The following CMAS variants were observed in gnomAD, a reference collection of about 807,000 sequenced individuals.
The protein encoded by CMAS is cytidine monophosphate N-acetylneuraminic acid synthetase, also known as N-acylneuraminate cytidylyltransferase.
CMAS carries 21 observed loss-of-function variants against 53.4 expected under a neutral mutation model. The ratio of observed to expected loss-of-function variants is 0.39; its 90% CI spans 0.28 to 0.57. CMAS has a LOEUF of 0.57. Among genes scored for constraint, CMAS ranks in the 20% least tolerant of loss-of-function variants. The pLI is 0.56. For missense variants in CMAS, 384 were observed against 534.9 expected (o/e 0.72, Z 2.78); for synonymous variants, 189 against 195.2 (o/e 0.97, Z 0.27).
At chr12:22,047,761 T>C (rs938102659) in intron 1 of CMAS, among the ~76,000 whole-genome samples, 1 of 152,200 alleles carries the variant, frequency 6.6e-6, no homozygotes, top group Admixed American at 6.5e-5. Flanking sequence ...CTGCTATACA[T>C]GTCCAAGGGA....
intron 1 of CMAS, among the ~76,000 whole-genome samples, chr12:22,048,417 C>T (rs868056910): frequency 9.2e-5 from 14 of 152,106 alleles, no homozygotes; most frequent in Admixed American, 3.9e-4. Context: ...TTGCTCCAAA[C>T]CTCTGCTCCA....
chr12:22,053,524 T>C (rs951974208), intron 1 of CMAS, among the ~76,000 whole-genome samples: 27 of 150,790 alleles, frequency 1.8e-4, no homozygotes, highest in African/African-American at 6.6e-4. Flanking sequence ...TATATATATA[T>C]ATACACACAC....
rs369307600 is a variant in CMAS, at chr12:22,064,229, C to A, written c.1115-892C>A. ...TCTAAAGTATAGTAATAGTTTTACT[C>A]AGAATGGTGAATTAAAGATACTGGG... is the stretch of plus-strand genomic sequence containing the variant. On this transcript the variant is annotated intron_variant, in intron 7 of 7. Coordinates refer to ENST00000229329, the MANE Select transcript of CMAS (RefSeq NM_018686.6). Among the ~76,000 whole-genome samples, 6 of 151,998 alleles carry A rather than the reference C, an allele frequency of 3.9e-5. No homozygotes were observed. The East Asian group carries it at 5.8e-4, about 15-fold the overall frequency.
Position 22,055,141 on chromosome 12 carries a change from C to G in CMAS, c.261-8C>G, listed in dbSNP as rs1234240954. 2 of 1,581,982 alleles carry G rather than the reference C, an allele frequency of 1.3e-6. No homozygotes were observed. The highest frequency in any genetic ancestry group is 1.7e-6 in the Non-Finnish European group (2 of 1,167,922). On this transcript the variant is annotated splice_region_variant and splice_polypyrimidine_tract_variant and intron_variant, in intron 1 of 7. Transcript: ENST00000229329. ...TTTGGCTGTTAATTTCTTTTGATAT[C>G]TGAACAGTGTATGGGTTTCGACAGA...
Position 22,065,346 on chromosome 12 carries a change from C to T in CMAS, c.*35C>T, listed in dbSNP as rs1565533468. The T allele has an allele frequency of 6.6e-7, 1 of 1,503,816 alleles. No individual in the cohort carries two copies. The highest frequency in any genetic ancestry group is 9.2e-7 in the Non-Finnish European group (1 of 1,090,172). 93.2% of individuals were successfully genotyped at this position (1,503,816 alleles called of 1,614,324 possible). A position where few individuals can be genotyped will look rare whatever the true frequency, so the allele number is the denominator to read the frequency against. ...TAATATTGAGAAAAAAATGATACAG[C>T]CTTCTTCAGCCAGTTTGCTTTTATT... On this transcript the variant is annotated 3_prime_UTR_variant, in exon 8 of 8. Transcript: ENST00000229329.
At chr12:22,046,624 T>A in intron 1 of CMAS, 61 bp downstream of exon 1, 1 of 1,440,302 alleles carries the variant, frequency 6.9e-7, no homozygotes, top group Non-Finnish European at 9.1e-7. Context: ...GGAGTCGGGC[T>A]GCTGGAGGGG....
At chr12:22,058,442 A>G (rs1260723900) in intron 3 of CMAS, 125 bp from the exon 4 acceptor site, 9 of 831,222 alleles carry the variant, frequency 1.1e-5, no homozygotes, top group Non-Finnish European at 1.7e-5. Context: ...AAAAAAGAAA[A>G]GTTCTTTATC....
intron 3 of CMAS, among the ~76,000 whole-genome samples, chr12:22,056,291 C>T (rs895597658): frequency 1.3e-4 from 20 of 152,164 alleles, no homozygotes; most frequent in Non-Finnish European, 1.8e-4. Context: ...TAGTCACTTA[C>T]AGTTCTGTAA....
intron 1 of CMAS, among the ~76,000 whole-genome samples, chr12:22,049,685 G>T (rs1308877558): frequency 6.6e-6 from 1 of 152,196 alleles, no homozygotes; most frequent in Non-Finnish European, 1.5e-5. Context: ...GCCGAAGGCA[G>T]GCGGAGGCCA....
intron 5 of CMAS, 60 bp downstream of exon 5, chr12:22,060,986 T>C: frequency 2.0e-6 from 2 of 1,024,284 alleles, no homozygotes; most frequent in Non-Finnish European, 3.1e-6. Flanking sequence ...TATTTCTAGA[T>C]ACTGATTTCT....
In CMAS at chr12:22,065,221, C is replaced by T. The variant is rs558349772; in HGVS notation, c.1215C>T (p.Cys405=). ...CCCAGAAGGCTGTTGGATACATTTG[C>T]AAATGTAATGGTGGCCGTGGTGCCA... is the stretch of plus-strand genomic sequence containing the variant. ...STAQKAVGYI[C]KCNGGRGAIR... is the part of the protein sequence containing the mutation. Residue 405 remains cysteine, a synonymous_variant, in exon 8 of 8, where the codon TGC becomes TGT. Coordinates refer to ENST00000229329, the MANE Select transcript of CMAS (RefSeq NM_018686.6). The T allele has an allele frequency of 6.2e-7, 1 of 1,614,080 alleles. No homozygotes were observed. Among genetic ancestry groups the T allele is most frequent in the South Asian group, 1.1e-5 (1 of 91,060 alleles).
chr12:22,053,387 A>ACAT (rs1950247850), intron 1 of CMAS, among the ~76,000 whole-genome samples: 5 of 150,306 alleles, frequency 3.3e-5, no homozygotes, highest in African/African-American at 1.2e-4. Flanking sequence ...ATATGTATAC[A>ACAT]TATACACACA....
chr12:22,052,364 G>A (rs1950242891), intron 1 of CMAS, among the ~76,000 whole-genome samples: 1 of 148,910 alleles, frequency 6.7e-6, no homozygotes, highest in Non-Finnish European at 1.5e-5. Context: ...ATAAATTAAG[G>A]ATGAATGAAC....
Position 22,046,528 on chromosome 12 carries a change from C to T in CMAS, c.225C>T (p.Val75=). ...HLAGVPLIGW[V]LRAALDSGAF... is the part of the protein sequence containing the mutation. ...CGGGGGTCCCGCTCATTGGCTGGGT[C>T]CTGCGTGCGGCCCTGGATTCAGGGG... The change falls in exon 1 of 8, where the codon GTC becomes GTT. Residue 75 remains valine, a synonymous_variant. Coordinates refer to ENST00000229329, the MANE Select transcript of CMAS (RefSeq NM_018686.6). 1.2e-6 allele frequency: 2 copies of T among 1,601,804 alleles called. No homozygotes were observed. The highest frequency in any genetic ancestry group is 1.7e-6 in the Non-Finnish European group (2 of 1,175,346).
chr12:22,062,486 T>A, intron 7 of CMAS, 52 bp downstream of exon 7: 1 of 1,552,794 alleles, frequency 6.4e-7, no homozygotes, highest in Non-Finnish European at 8.8e-7. Flanking sequence ...ATTAATTATT[T>A]ACTTATTTTT....
At chr12:22,057,965 T>C (rs1387513223) in intron 3 of CMAS, among the ~76,000 whole-genome samples, 1 of 151,240 alleles carries the variant, frequency 6.6e-6, no homozygotes, top group Non-Finnish European at 1.5e-5. Context: ...GTAGCTGGGA[T>C]TACAGGTACC....
chr12:22,057,339 T>G (rs1365519479), intron 3 of CMAS, among the ~76,000 whole-genome samples: 1 of 152,034 alleles, frequency 6.6e-6, no homozygotes, highest in East Asian at 1.9e-4. Context: ...AAGTCTTCAT[T>G]GATTACATTA....
chr12:22,052,475 G>C (rs1411863141), intron 1 of CMAS, among the ~76,000 whole-genome samples: 2 of 152,078 alleles, frequency 1.3e-5, no homozygotes, highest in Admixed American at 6.6e-5. Context: ...CTCTGGTATT[G>C]AATTTTCATT....
intron 3 of CMAS, 82 bp from the exon 4 acceptor site, chr12:22,058,485 T>A: frequency 7.8e-7 from 1 of 1,282,230 alleles, no homozygotes; most frequent in Admixed American, 2.3e-5. Flanking sequence ...TCTGAGTTCA[T>A]TTTTATTAAC....
Sources: gnomAD v4.1 joint callset for allele counts (sites outside exome capture counted in the v4.1 genomes callset) on GRCh38, gnomAD v4.1.1 for gene constraint, MANE v1.5 for transcripts, NCBI Gene and HGNC (gene_info 2026-07-23, HGNC 2026-07-21) for gene names.